CFAP45: variants seen among roughly 807,000 people sequenced by gnomAD.
CFAP45 encodes the protein cilia- and flagella-associated protein 45.
Under a neutral mutation model 75.6 loss-of-function variants are expected in CFAP45, and 43 were observed. The observed-to-expected ratio is 0.57, with a 90% CI of 0.45 to 0.73. The LOEUF (loss-of-function observed/expected upper bound fraction) is 0.73. Ranked by LOEUF, CFAP45 falls within the 30% of genes least tolerant of loss-of-function variation. The probability of loss-of-function intolerance (pLI) is 0.00; values close to 1 mark genes in which losing one functional copy is unlikely to be tolerated. For missense variants in CFAP45, 689 were observed against 701.5 expected, an observed-to-expected ratio of 0.98 and a Z score of 0.20; for synonymous variants, 223 against 244.6, an observed-to-expected ratio of 0.91 and a Z score of 0.82.
At chr1:159,886,733 G>C (rs774622397) in intron 5 of CFAP45, 44 bp from the exon 6 acceptor site, 2 of 1,530,022 alleles carry the variant, frequency 1.3e-6, no homozygotes, top group African/African-American at 2.7e-5. Context: ...CTAGGGATGT[G>C]TAAGTTTAAG....
chr1:159,897,575 T>G (rs993751090), intron 1 of CFAP45, among the ~76,000 whole-genome samples: 9 of 152,112 alleles, frequency 5.9e-5, no homozygotes, highest in Non-Finnish European at 1.2e-4. Flanking sequence ...AGAGCAAGAC[T>G]CCATCTCAAA....
At position 159,875,033 on chromosome 1, in the gene CFAP45, C is replaced by T. The variant is rs187942969; in HGVS notation, c.1352+1523G>A. On this transcript the variant is annotated intron_variant, in intron 10 of 11. Transcript: ENST00000368099. ...GATGCTTCTGAGTAAAGACACCAAACATGGTGGTCACATGGCCCTGGAGAC... is the reference window on the plus strand; with the variant it reads ...GATGCTTCTGAGTAAAGACACCAAATATGGTGGTCACATGGCCCTGGAGAC... Among the ~76,000 whole-genome samples, 179 of 152,300 alleles carry T rather than the reference C, an allele frequency of 1.2e-3. 1 individual carries two copies. Among genetic ancestry groups the T allele is most frequent in the Non-Finnish European group, 1.9e-3 (128 of 68,026 alleles).
chr1:159,882,580 T>C (rs1649573098), intron 7 of CFAP45, among the ~76,000 whole-genome samples: 1 of 152,178 alleles, frequency 6.6e-6, no homozygotes, highest in Non-Finnish European at 1.5e-5. Flanking sequence ...CACCATGAGA[T>C]GATACAGTAG....
chr1:159,883,971 A>G (rs1287345066), intron 7 of CFAP45, among the ~76,000 whole-genome samples: 1 of 152,194 alleles, frequency 6.6e-6, no homozygotes, highest in African/African-American at 2.4e-5. Context: ...GACTAACAGG[A>G]AGAAAAGGTT....
Position 159,876,626 on chromosome 1 carries a change from C to A in CFAP45, c.1282G>T (p.Val428Leu), listed in dbSNP as rs748696479. The A allele has an allele frequency of 1.2e-6, 2 of 1,614,214 alleles. No individual in the cohort carries two copies. Among genetic ancestry groups the A allele is most frequent in the East Asian group, 4.5e-5 (2 of 44,874 alleles). ...AELRKSRLEQ[V>L]AFKEHALAVQ... is the part of the protein sequence containing the mutation. ...GCCAGAGCGTGCTCCTTGAAAGCCA[C>A]CTGTTCGAGCCGACTTTTTCGCAGC... Residue 428 changes from valine to leucine, a missense_variant, in exon 10 of 12, where the codon GTG (valine) becomes TTG (leucine). Val to Leu is a conservative substitution (Grantham distance 32). Transcript: ENST00000368099.
chr1:159,893,420 C>G (rs1364441341), intron 1 of CFAP45, 115 bp from the exon 2 acceptor site: 6 of 1,010,426 alleles, frequency 5.9e-6, no homozygotes, highest in Non-Finnish European at 9.1e-6. Flanking sequence ...GAAAAAGAAA[C>G]AGTTAGGGAA....
At position 159,872,508 on chromosome 1, in the gene CFAP45, G is replaced by A. The variant is rs1322942362; in HGVS notation, c.1633C>T (p.Leu545=). 1.2e-6 allele frequency: 2 copies of A among 1,614,198 alleles called. No individual in the cohort carries two copies. Among genetic ancestry groups the A allele is most frequent in the South Asian group, 2.2e-5 (2 of 91,076 alleles). Residue 545 remains leucine, a synonymous_variant, in exon 12 of 12, where the codon CTG becomes TTG. Coordinates refer to ENST00000368099, the MANE Select transcript of CFAP45 (RefSeq NM_012337.3). The part of the protein sequence containing the change: ...CIEAERKANI[L]PATSVN ...CCTCAGTTCACAGAGGTAGCTGGCA[G>A]GATGTTAGCTTTGCGCTCAGCTTCA...
At chr1:159,892,146 G>C (rs1649843304) in intron 2 of CFAP45, among the ~76,000 whole-genome samples, 1 of 152,026 alleles carries the variant, frequency 6.6e-6, no homozygotes, top group Non-Finnish European at 1.5e-5. Context: ...AATTAGCCAG[G>C]TGCAGTGGTG....
chr1:159,872,844 C>A, intron 11 of CFAP45, 100 bp downstream of exon 11: 1 of 1,176,202 alleles, frequency 8.5e-7, no homozygotes, highest in South Asian at 1.4e-5. Context: ...AGCATCTCTG[C>A]CATGGCCCTT....
At chr1:159,872,660 C>A in intron 11 of CFAP45, 97 bp from the exon 12 acceptor site, 4 of 1,044,544 alleles carry the variant, frequency 3.8e-6, no homozygotes, top group Admixed American at 1.8e-5. Context: ...AACCTGGGGG[C>A]CTGCACCCCC....
At chr1:159,896,863 T>A (rs920274884) in intron 1 of CFAP45, among the ~76,000 whole-genome samples, 3 of 152,210 alleles carry the variant, frequency 2.0e-5, no homozygotes, top group African/African-American at 7.2e-5. Context: ...TATGAGAGAC[T>A]CTGATGCAGA....
At chr1:159,888,272 G>C in intron 4 of CFAP45, 80 bp downstream of exon 4, 6 of 1,423,736 alleles carry the variant, frequency 4.2e-6, no homozygotes, top group Non-Finnish European at 4.8e-6. Flanking sequence ...CTCATTTCAG[G>C]GTCCCCTGAT....
rs1649410528 is a variant in CFAP45 at position 159,876,679 on chromosome 1, G to A, written c.1229C>T (p.Ala410Val). 1.2e-6 allele frequency: 2 copies of A among 1,614,038 alleles called. No homozygotes were observed. Among genetic ancestry groups the A allele is most frequent in the Admixed American group, 1.7e-5 (1 of 59,998 alleles). Residue 410 changes from alanine (A) to valine (V), a missense_variant, in exon 10 of 12, where the codon GCG becomes GTG. By Grantham distance (64) the Ala-to-Val change is moderately conservative. Coordinates refer to ENST00000368099, the MANE Select transcript of CFAP45 (RefSeq NM_012337.3). ...REWRRKEKEN[A>V]RKKMETEAEL... ...AGCCTCTGTTTCCATCTTCTTCCGC[G>A]CATTTTCCTTTTCCTTTCTGCGCCA...
At position 159,900,136 on chromosome 1, in the gene CFAP45, C is replaced by T. The variant is rs1298084899; in HGVS notation, c.-38G>A. Reference sequence around the variant, plus strand: ...ACGCCCTGACTCCGGACTTCTGCTGCCGCCTCGGCGCCGCCAAGGCCCTAG... The same window carrying T: ...ACGCCCTGACTCCGGACTTCTGCTGTCGCCTCGGCGCCGCCAAGGCCCTAG... On this transcript the variant is annotated 5_prime_UTR_variant, in exon 1 of 12. Transcript: ENST00000368099. 6.2e-7 allele frequency: 1 copy of T among 1,614,036 alleles called. No individual in the cohort carries two copies. The highest frequency in any genetic ancestry group is 1.7e-5 in the Admixed American group (1 of 60,020).
chr1:159,879,272 T>G (rs1649490862), intron 8 of CFAP45, among the ~76,000 whole-genome samples: 1 of 152,176 alleles, frequency 6.6e-6, no homozygotes, highest in Non-Finnish European at 1.5e-5. Flanking sequence ...ACCAACCCTC[T>G]GCTGCAGCCA....
chr1:159,876,643 T>C lies in CFAP45; in HGVS notation c.1265A>G (p.Lys422Arg), dbSNP rs201808038. Residue 422 changes from lysine (K) to arginine (R), a missense_variant, in exon 10 of 12, where the codon AAA (lysine) becomes AGA (arginine). Transcript: ENST00000368099. ...KKMETEAELR[K>R]SRLEQVAFKE... ...GAAAGCCACCTGTTCGAGCCGACTTTTTCGCAGCTCAGCCTCTGTTTCCAT... is the reference window on the plus strand; with the variant it reads ...GAAAGCCACCTGTTCGAGCCGACTTCTTCGCAGCTCAGCCTCTGTTTCCAT... 4.3e-5 allele frequency: 69 copies of C among 1,614,208 alleles called. 1 individual carries two copies. In the South Asian group the frequency reaches 6.7e-4, roughly 16 times the overall value.
chr1:159,895,360 A>G (rs2101853157), intron 1 of CFAP45, among the ~76,000 whole-genome samples: 1 of 152,352 alleles, frequency 6.6e-6, no homozygotes, highest in Middle Eastern at 3.4e-3. Context: ...ATAAAGGAAC[A>G]GGGTAGACAG....
chr1:159,900,071 G>A, intron 1 of CFAP45, 25 bp downstream of exon 1: 3 of 1,613,920 alleles, frequency 1.9e-6, no homozygotes, highest in Non-Finnish European at 2.5e-6. Flanking sequence ...AGGACACAAG[G>A]GGCCCATCTG....
chr1:159,898,394 C>A (rs1649999220), intron 1 of CFAP45: 2 of 176,964 alleles, frequency 1.1e-5, no homozygotes, highest in Non-Finnish European at 2.2e-5. Context: ...CCCTCACCAC[C>A]ACTACTATCT....
Sources: gnomAD v4.1 joint callset for allele counts (sites outside exome capture counted in the v4.1 genomes callset) on GRCh38, gnomAD v4.1.1 for gene constraint, MANE v1.5 for transcripts, NCBI Gene and HGNC (gene_info 2026-07-23, HGNC 2026-07-21) for gene names.